The following PCDH7 variants were observed in gnomAD, a reference collection of about 807,000 sequenced individuals.
PCDH7 encodes protocadherin-7.
A neutral mutation model predicts 58.9 loss-of-function variants in PCDH7; 17 were observed. That is an observed-to-expected ratio of 0.29 (90% CI 0.20 to 0.43). The LOEUF (loss-of-function observed/expected upper bound fraction) is 0.43, where lower values mean the gene tolerates loss of function less well. PCDH7 is among the 20% of genes least tolerant of loss of function. The pLI is 1.00. For missense variants in PCDH7, 1,274 were observed against 1,441.0 expected (o/e 0.88, Z 1.88); for synonymous variants, 664 against 616.4 (o/e 1.08, Z -1.14).
Position 30,909,225 on chromosome 4 carries a change from T to A in PCDH7, c.71-10928T>A, listed in dbSNP as rs376689198. ...TATGACAAACCTACAGTCAATATCA[T>A]ACTGAATGGGCCAAAGCTGGAAGCA... On this transcript the variant is annotated intron_variant, in intron 1 of 3. Transcript: ENST00000509759. Among the ~76,000 whole-genome samples, 16 of 152,304 alleles carry A rather than the reference T, an allele frequency of 1.1e-4. No individual in the cohort carries two copies. In the South Asian group the frequency reaches 1.5e-3, roughly 14 times the overall value.
At chr4:31,079,420 G>C (rs548041079) in intron 3 of PCDH7, among the ~76,000 whole-genome samples, 1 of 139,478 alleles carries the variant, frequency 7.2e-6, no homozygotes, top group Non-Finnish European at 1.5e-5. Flanking sequence ...TATCCAAGTG[G>C]CTGGTAAACA....
chr4:30,774,915 G>A (rs1199646337), intron 1 of PCDH7, among the ~76,000 whole-genome samples: 2 of 152,166 alleles, frequency 1.3e-5, no homozygotes, highest in African/African-American at 4.8e-5. Context: ...GTGCAATTTA[G>A]TTGGCTTAAA....
chr4:30,788,315 T>G (rs536766005), intron 1 of PCDH7, among the ~76,000 whole-genome samples: 48 of 152,264 alleles, frequency 3.2e-4, no homozygotes, highest in Non-Finnish European at 4.7e-4. Flanking sequence ...TGTGCCATAA[T>G]AATTTTGAAA....
chr4:31,138,607 A>G (rs1578898834), intron 3 of PCDH7, among the ~76,000 whole-genome samples: 1 of 152,158 alleles, frequency 6.6e-6, no homozygotes, highest in African/African-American at 2.4e-5. Flanking sequence ...TCCTTGCTAT[A>G]TGATTGAGGT....
rs549798886 is a variant in PCDH7, at chr4:30,999,680, G to A, written c.*7+49465G>A. ...TTTAAATTTAAAATAGCAATGCACT[G>A]TAATGTTTTGCTATCAGCTACACCA... On this transcript the variant is annotated intron_variant, in intron 3 of 3. Coordinates refer to the PCDH7 transcript ENST00000509759. Among the ~76,000 whole-genome samples, 5 of 152,202 alleles carry A rather than the reference G, an allele frequency of 3.3e-5. No individual in the cohort carries two copies. In the East Asian group the frequency reaches 7.7e-4, roughly 24 times the overall value.
intron 1 of PCDH7, among the ~76,000 whole-genome samples, chr4:30,768,575 A>C (rs1255888968): frequency 6.6e-6 from 1 of 152,210 alleles, no homozygotes; most frequent in Non-Finnish European, 1.5e-5. Flanking sequence ...CTTAATAAAT[A>C]TTGTAACTTA....
At chr4:30,776,752 T>C (rs561227550) in intron 1 of PCDH7, among the ~76,000 whole-genome samples, 5 of 152,254 alleles carry the variant, frequency 3.3e-5, no homozygotes, top group African/African-American at 1.2e-4. Context: ...AACAAAGTGG[T>C]GCCTTTAAGA....
At chr4:30,841,518 C>G (rs575351940) in intron 1 of PCDH7, among the ~76,000 whole-genome samples, 2 of 152,214 alleles carry the variant, frequency 1.3e-5, no homozygotes, top group African/African-American at 4.8e-5. Flanking sequence ...GCATTACCCT[C>G]CAGACATTCT....
chr4:31,107,618 G>C (rs1283672954), intron 3 of PCDH7, among the ~76,000 whole-genome samples: 1 of 152,156 alleles, frequency 6.6e-6, no homozygotes. Flanking sequence ...TCTGGGATGA[G>C]AGTTTCTAAT....
chr4:30,915,217 A>C (rs1275056827), intron 1 of PCDH7, among the ~76,000 whole-genome samples: 5 of 152,060 alleles, frequency 3.3e-5, no homozygotes, highest in African/African-American at 1.2e-4. Flanking sequence ...TTTAACTTCT[A>C]CCCTATTTCT....
At chr4:31,043,555 A>T (rs1756054505) in intron 3 of PCDH7, among the ~76,000 whole-genome samples, 1 of 152,094 alleles carries the variant, frequency 6.6e-6, no homozygotes, top group Non-Finnish European at 1.5e-5. Context: ...TTTTTAAGAT[A>T]TGTTTGTTGG....
exon 2 of PCDH7, chr4:30,731,361 G>GTATATATATATATATATA (rs977162352): frequency 7.3e-5 from 11 of 149,836 alleles, no homozygotes; most frequent in African/African-American, 2.5e-4. Flanking sequence ...GTGTGTGTGT[G>GTATATATATATATATATA]TATATATATA....
intron 1 of PCDH7, among the ~76,000 whole-genome samples, chr4:30,846,621 T>G (rs939853482): frequency 6.6e-6 from 1 of 152,156 alleles, no homozygotes; most frequent in Non-Finnish European, 1.5e-5. Context: ...TGGTGTCTAC[T>G]TATTAGGTTC....
intron 1 of PCDH7, among the ~76,000 whole-genome samples, chr4:30,780,016 T>C (rs987867588): frequency 1.3e-5 from 2 of 152,208 alleles, no homozygotes; most frequent in Non-Finnish European, 2.9e-5. Flanking sequence ...TAATGATAGT[T>C]TAAGTTTGTA....
At chr4:31,107,398 C>G (rs916519981) in intron 3 of PCDH7, among the ~76,000 whole-genome samples, 4 of 152,142 alleles carry the variant, frequency 2.6e-5, no homozygotes, top group Non-Finnish European at 5.9e-5. Flanking sequence ...CAATGTAGTT[C>G]AGCAGAGAGA....
intron 3 of PCDH7, among the ~76,000 whole-genome samples, chr4:31,011,562 A>G (rs1336733152): frequency 6.6e-6 from 1 of 151,998 alleles, no homozygotes; most frequent in Non-Finnish European, 1.5e-5. Context: ...TAATGTTTGC[A>G]TACATTTAAA....
chr4:30,733,334 TTATC>T (rs1715780816), downstream of PCDH7, among the ~76,000 whole-genome samples: 1 of 152,224 alleles, frequency 6.6e-6, no homozygotes, highest in African/African-American at 2.4e-5. Context: ...GTTTTTTCCT[TTATC>T]TATCAGTACC....
chr4:30,897,320 C>G (rs560121634), intron 1 of PCDH7, among the ~76,000 whole-genome samples: 1 of 152,122 alleles, frequency 6.6e-6, no homozygotes, highest in Non-Finnish European at 1.5e-5. Context: ...TCATTTGTTA[C>G]GTCACTCATT....
rs1553932369 is a variant in PCDH7, at chr4:31,056,458, G to GAAGGAAAGAAAGAAAGA, written c.*8-86012_*8-86011insGAAAGAAAGAAAGAAAG. The stretch of plus-strand genomic sequence containing the variant: ...AGAAAGAAGGAAAGAAAGAAAGAAA[G>GAAGGAAAGAAAGAAAGA]AAGAAAGAAAGAAAGAAAGAAAGAA... On this transcript the variant is annotated intron_variant, in intron 3 of 3. Transcript: ENST00000509759. Among the ~76,000 whole-genome samples the GAAGGAAAGAAAGAAAGA allele has an allele frequency of 5.1e-3, 422 of 83,190 alleles. 11 individuals carry two copies. The highest frequency in any genetic ancestry group is 0.01 in the East Asian group (21 of 2,052). 54.6% of individuals were successfully genotyped at this position (83,190 alleles called of 152,430 possible).
Sources: allele counts gnomAD v4.1 joint callset (sites outside exome capture counted in the v4.1 genomes callset), GRCh38; gene constraint gnomAD v4.1.1; transcripts MANE v1.5; gene names NCBI Gene and HGNC (gene_info 2026-07-23, HGNC 2026-07-21).